The following THSD7A variants were observed in gnomAD, a reference collection of about 807,000 sequenced individuals.
THSD7A encodes thrombospondin type-1 domain-containing protein 7A.
THSD7A carries 96 observed loss-of-function variants against 231.3 expected under a neutral mutation model. The ratio of observed to expected loss-of-function variants is 0.41; its 90% CI spans 0.35 to 0.49. THSD7A has a LOEUF of 0.49. THSD7A is among the 20% of genes least tolerant of loss of function. The probability of loss-of-function intolerance (pLI) is 0.05; values close to 1 mark genes in which losing one functional copy is unlikely to be tolerated. For missense variants in THSD7A, 2,290 were observed against 2,070.2 expected (o/e 1.11, Z -2.06); for synonymous variants, 940 against 743.3 (o/e 1.26, Z -4.30).
rs754190136 is a variant in THSD7A at position 11,590,125 on chromosome 7, T to C, written c.1453+335A>G. 2.0e-5 allele frequency among the ~76,000 whole-genome samples: 3 copies of C among 152,198 alleles called. No individual in the cohort carries two copies. The highest frequency in any genetic ancestry group is 4.4e-5 in the Non-Finnish European group (3 of 68,032). ...TTATATAATTTTGGAATTTAGAATA[T>C]ATATTTGCATGATATGTGTATATTT... On this transcript the variant is annotated intron_variant, in intron 4 of 27. Coordinates refer to ENST00000423059, the MANE Select transcript of THSD7A (RefSeq NM_015204.3). This position sits in a 1 kb window ranked among gnomAD's most constrained non-coding sequence, Gnocchi z 4.4.
At chr7:11,783,472 C>A (rs891576039) in intron 1 of THSD7A, among the ~76,000 whole-genome samples, 1 of 152,102 alleles carries the variant, frequency 6.6e-6, no homozygotes, top group African/African-American at 2.4e-5. Flanking sequence ...TAAATCAGAA[C>A]CATATGTATA....
chr7:11,695,527 C>G (rs1452820651), intron 1 of THSD7A, among the ~76,000 whole-genome samples: 3 of 151,504 alleles, frequency 2.0e-5, no homozygotes, highest in African/African-American at 7.3e-5. Flanking sequence ...AATTGAGTAT[C>G]TAATCTGTCT....
intron 6 of THSD7A, among the ~76,000 whole-genome samples, chr7:11,512,196 A>C (rs978445216): frequency 2.6e-5 from 4 of 152,230 alleles, no homozygotes; most frequent in African/African-American, 9.6e-5. Context: ...GCTCATCATC[A>C]CTGGCCATCA....
At chr7:11,651,486 ACTATCTATCTAT>A (rs3031459) in intron 1 of THSD7A, among the ~76,000 whole-genome samples, 35,323 of 149,686 alleles carry the variant, frequency 0.24, 4,773 homozygotes, top group South Asian at 0.4. Context: ...CTATCTATCA[ACTATCTATCTAT>A]CTATCTATCT....
intron 2 of THSD7A, among the ~76,000 whole-genome samples, chr7:11,623,316 G>A (rs1781377414): frequency 1.3e-5 from 2 of 152,118 alleles, no homozygotes; most frequent in East Asian, 3.9e-4. Context: ...GAAGTACCTA[G>A]GAACAAAATT....
chr7:11,827,914 G>A (rs1785077952), intron 1 of THSD7A, among the ~76,000 whole-genome samples: 1 of 152,024 alleles, frequency 6.6e-6, no homozygotes, highest in Non-Finnish European at 1.5e-5. Context: ...AACCTTGATG[G>A]CATTTTCCTA....
chr7:11,715,490 A>G (rs553261946), intron 1 of THSD7A, among the ~76,000 whole-genome samples: 6 of 151,640 alleles, frequency 4.0e-5, no homozygotes, highest in Admixed American at 2.0e-4. Flanking sequence ...CTAGTTAGAA[A>G]TAGATATATA....
chr7:11,398,190 G>A (rs527472534), intron 23 of THSD7A, among the ~76,000 whole-genome samples: 1 of 145,042 alleles, frequency 6.9e-6, no homozygotes, highest in South Asian at 2.1e-4. Context: ...TATACACCAT[G>A]GAATAGTATG....
chr7:11,636,909 C>G lies in THSD7A; in HGVS notation c.243G>C (p.Thr81=). ...GDECGPGGIQ[T]RAVWCAHVEG... ...CCACATGAGCACACCACACAGCCCT[C>G]GTTTGGATGCCTCCGGGACCACATT... The change falls in exon 2 of 28, where the codon ACG becomes ACC. Residue 81 remains threonine, a synonymous_variant. Coordinates refer to ENST00000423059, the MANE Select transcript of THSD7A (RefSeq NM_015204.3). The surrounding 1 kb of genome is among the most constrained non-coding windows in gnomAD (Gnocchi z 10.0). 2 of 1,613,438 alleles carry G rather than the reference C, an allele frequency of 1.2e-6. No individual in the cohort carries two copies. Among genetic ancestry groups the G allele is most frequent in the Non-Finnish European group, 1.7e-6 (2 of 1,179,878 alleles).
chr7:11,687,553 T>C (rs1020979074), intron 1 of THSD7A, among the ~76,000 whole-genome samples: 1 of 151,932 alleles, frequency 6.6e-6, no homozygotes, highest in Non-Finnish European at 1.5e-5. Flanking sequence ...CTTTTATCAC[T>C]GGGAAGGGAA....
chr7:11,445,099 G>A (rs1309989192), intron 13 of THSD7A, among the ~76,000 whole-genome samples: 1 of 151,762 alleles, frequency 6.6e-6, no homozygotes, highest in African/African-American at 2.4e-5. Context: ...AACTGGAGCA[G>A]CACCATTCCA....
At chr7:11,451,792 C>T (rs1188427878) in intron 11 of THSD7A, among the ~76,000 whole-genome samples, 1 of 151,976 alleles carries the variant, frequency 6.6e-6, no homozygotes. Context: ...TGAAGCAGAT[C>T]AAATGGAATT....
At chr7:11,456,156 C>T (rs529047715) in intron 11 of THSD7A, among the ~76,000 whole-genome samples, 5 of 151,990 alleles carry the variant, frequency 3.3e-5, no homozygotes, top group African/African-American at 4.8e-5. Context: ...ATATGAGACA[C>T]ACACATTCTC....
intron 2 of THSD7A, among the ~76,000 whole-genome samples, chr7:11,619,149 T>C (rs370005994): frequency 6.6e-6 from 1 of 151,930 alleles, no homozygotes; most frequent in East Asian, 1.9e-4. Flanking sequence ...AAATAAGAAA[T>C]ATAAAGAAAC....
At position 11,407,000 on chromosome 7, in the gene THSD7A, T is replaced by G. The variant is rs762419241; in HGVS notation, c.3972A>C (p.Pro1324=). The change falls in exon 21 of 28, where the codon CCA becomes CCC. Residue 1324 remains proline (P), a synonymous_variant. Coordinates refer to ENST00000423059, the MANE Select transcript of THSD7A (RefSeq NM_015204.3). The surrounding 1 kb of genome is among the most constrained non-coding windows in gnomAD (Gnocchi z 4.7). ...TGGACTGGTCCATCAGGGAAGGGCATGGTCTTCCATCACCTTGAAAGGGCT... is the reference window on the plus strand; with the variant it reads ...TGGACTGGTCCATCAGGGAAGGGCAGGGTCTTCCATCACCTTGAAAGGGCT... ...VTQPFQGDGR[P]CPSLMDQSKP... 16 of 1,613,874 alleles carry G rather than the reference T, an allele frequency of 9.9e-6. No homozygotes were observed. The highest frequency in any genetic ancestry group is 1.4e-5 in the Non-Finnish European group (16 of 1,179,860).
At chr7:11,684,887 G>A (rs996995561) in intron 1 of THSD7A, among the ~76,000 whole-genome samples, 3 of 151,942 alleles carry the variant, frequency 2.0e-5, no homozygotes, top group Admixed American at 2.0e-4. Context: ...AAATTCCTAT[G>A]AAACCATAAA....
chr7:11,777,777 T>C (rs1268738989), intron 1 of THSD7A, among the ~76,000 whole-genome samples: 1 of 152,122 alleles, frequency 6.6e-6, no homozygotes, highest in Non-Finnish European at 1.5e-5. Flanking sequence ...GGCTCACTTT[T>C]GAACCTGATG....
At chr7:11,667,922 T>C (rs1783208636) in intron 1 of THSD7A, among the ~76,000 whole-genome samples, 1 of 152,154 alleles carries the variant, frequency 6.6e-6, no homozygotes, top group South Asian at 2.1e-4. Context: ...TTAACGTTAA[T>C]GTAACAGCAA....
chr7:11,697,847 T>C (rs987277515), intron 1 of THSD7A, among the ~76,000 whole-genome samples: 20 of 151,488 alleles, frequency 1.3e-4, no homozygotes, highest in African/African-American at 4.8e-4. Flanking sequence ...TCCTAGAAAC[T>C]GAACAAATTT....
Sources: gnomAD v4.1 joint callset for allele counts (sites outside exome capture counted in the v4.1 genomes callset) on GRCh38, gnomAD v4.1.1 for gene constraint, Gnocchi (gnomAD v3.1) non-coding constraint, MANE v1.5 for transcripts, NCBI Gene and HGNC (gene_info 2026-07-23, HGNC 2026-07-21) for gene names.